The following TNKS2 variants were observed in gnomAD, a reference collection of about 807,000 sequenced individuals.
TNKS2 encodes poly [ADP-ribose] polymerase tankyrase-2.
A neutral mutation model predicts 137.6 loss-of-function variants in TNKS2; 72 were observed. That is an observed-to-expected ratio of 0.52 (90% CI 0.43 to 0.64). The LOEUF (loss-of-function observed/expected upper bound fraction) is 0.64, where lower values mean the gene tolerates loss of function less well. Among genes scored for constraint, TNKS2 ranks in the 30% least tolerant of loss-of-function variants. The probability of loss-of-function intolerance (pLI) is 0.00; values close to 1 mark genes in which losing one functional copy is unlikely to be tolerated. For missense variants in TNKS2, 1,049 were observed against 1,410.2 expected (o/e 0.74, Z 4.10); for synonymous variants, 516 against 512.1 (o/e 1.01, Z -0.10).
At chr10:91,800,119 A>G (rs566984629) in intron 1 of TNKS2, among the ~76,000 whole-genome samples, 1 of 152,320 alleles carries the variant, frequency 6.6e-6, no homozygotes, top group African/African-American at 2.4e-5. Context: ...AGTCTTTTAA[A>G]AAGAAGAAAG....
In TNKS2 at chr10:91,840,650, G is replaced by A. The variant is rs774659192; in HGVS notation, c.1617G>A (p.Val539=). The change falls in exon 14 of 27, where the codon GTG becomes GTA. Residue 539 remains valine (V), a synonymous_variant. Coordinates refer to ENST00000371627, the MANE Select transcript of TNKS2 (RefSeq NM_025235.4). ...PLHFAAGYNR[V]SVVEYLLQHG... is the part of the protein sequence containing the mutation. ...ATTTTGCAGCTGGGTATAACAGAGT[G>A]TCCGTGGTGGAATATCTGCTACAGC... 7.4e-6 allele frequency: 12 copies of A among 1,614,034 alleles called. No individual in the cohort carries two copies. The highest frequency in any genetic ancestry group is 1.3e-5 in the African/African-American group (1 of 74,930).
In TNKS2 at chr10:91,822,359, C is replaced by T. The variant is rs368810318; in HGVS notation, c.792C>T (p.Val264=). 1.9e-6 allele frequency: 3 copies of T among 1,611,514 alleles called. No individual in the cohort carries two copies. The highest frequency in any genetic ancestry group is 1.7e-4 in the Middle Eastern group (1 of 6,048). ...YGHYEVTELL[V]KHGACVNAMD... is the part of the protein sequence containing the mutation. ...ATTATGAAGTAACTGAACTTTTGGT[C>T]AAGGTTAGTGCTCTTGTACTCTCCT... The change falls in exon 7 of 27, where the codon GTC becomes GTT. Residue 264 remains valine, a synonymous_variant. Transcript: ENST00000371627.
intron 23 of TNKS2, 43 bp downstream of exon 23, chr10:91,855,731 T>C: frequency 6.9e-7 from 1 of 1,448,858 alleles, no homozygotes; most frequent in Non-Finnish European, 9.6e-7. Flanking sequence ...ACTGTCGTTT[T>C]CAAAGCCTGA....
At chr10:91,835,578 C>T (rs1427086243) in intron 12 of TNKS2, among the ~76,000 whole-genome samples, 1 of 147,568 alleles carries the variant, frequency 6.8e-6, no homozygotes, top group Non-Finnish European at 1.5e-5. Context: ...CATGAGCCAC[C>T]ATGCCCGGCC....
At chr10:91,843,571 C>G (rs889708763) in intron 16 of TNKS2, among the ~76,000 whole-genome samples, 1 of 152,168 alleles carries the variant, frequency 6.6e-6, no homozygotes, top group Non-Finnish European at 1.5e-5. Flanking sequence ...AAAACTGGCA[C>G]AGTGTACCTT....
At chr10:91,798,935 C>A (rs1400644293) in intron 1 of TNKS2, 46 bp downstream of exon 1, 1 of 1,324,038 alleles carries the variant, frequency 7.6e-7, no homozygotes. Context: ...ACCCCACCTG[C>A]GCAGCCGGGG....
Position 91,842,196 on chromosome 10 carries a change from A to C in TNKS2, c.1864A>C (p.Asn622His). 6.2e-7 allele frequency: 1 copy of C among 1,613,918 alleles called. No individual in the cohort carries two copies. The highest frequency in any genetic ancestry group is 8.5e-7 in the Non-Finnish European group (1 of 1,179,888). The change falls in exon 16 of 27, where the codon AAC becomes CAC. Residue 622 changes from asparagine (N) to histidine (H), a missense_variant. Physicochemically the swap from Asn to His is moderately conservative, Grantham distance 68 (BLOSUM62 1). This residue lies in a region of TNKS2 where 328 missense variants were observed against 436.0 expected (regional missense o/e 0.75). Coordinates refer to ENST00000371627, the MANE Select transcript of TNKS2 (RefSeq NM_025235.4). Reference protein sequence around the residue: ...LQHGADPTKKNRDGNTPLDLV... With the variant: ...LQHGADPTKKHRDGNTPLDLV... Reference sequence around the variant, plus strand: ...GCATGGTGCAGACCCTACAAAAAAAAACAGGGATGGAAATACTCCTTTGGA... The same window carrying C: ...GCATGGTGCAGACCCTACAAAAAAACACAGGGATGGAAATACTCCTTTGGA...
At chr10:91,836,032 T>TGTG (rs1491051227) in intron 12 of TNKS2, among the ~76,000 whole-genome samples, 1 of 63,972 alleles carries the variant, frequency 1.6e-5, no homozygotes, top group Admixed American at 1.7e-4. Flanking sequence ...TGTGTGTGTG[T>TGTG]AATTTTTTTT....
At chr10:91,849,100 G>A (rs1842467511) in intron 19 of TNKS2, among the ~76,000 whole-genome samples, 1 of 152,212 alleles carries the variant, frequency 6.6e-6, no homozygotes, top group Non-Finnish European at 1.5e-5. Flanking sequence ...GCCTCCCAAA[G>A]TGCTGGGATT....
At chr10:91,847,889 G>A (rs1770467) in intron 18 of TNKS2, among the ~76,000 whole-genome samples, 106,288 of 152,070 alleles carry the variant, frequency 0.7, 38,336 homozygotes, top group East Asian at 0.91. Flanking sequence ...CTCAGTCACA[G>A]TATCAGAATT....
At chr10:91,809,577 A>G (rs1453362770) in intron 1 of TNKS2, among the ~76,000 whole-genome samples, 1 of 151,846 alleles carries the variant, frequency 6.6e-6, no homozygotes, top group Non-Finnish European at 1.5e-5. Context: ...GAGGCAGGAG[A>G]ATGGCGTGAA....
At chr10:91,845,317 G>A (rs1310144644) in intron 17 of TNKS2, among the ~76,000 whole-genome samples, 1 of 152,184 alleles carries the variant, frequency 6.6e-6, no homozygotes, top group East Asian at 1.9e-4. Context: ...ATCCACTGGG[G>A]CACCAACGGG....
At chr10:91,851,914 T>C (rs1195913418) in intron 21 of TNKS2, among the ~76,000 whole-genome samples, 1 of 152,228 alleles carries the variant, frequency 6.6e-6, no homozygotes, top group African/African-American at 2.4e-5. Context: ...GTTAACACTT[T>C]ATACCAGGTC....
chr10:91,798,961 C>A, intron 1 of TNKS2, 72 bp downstream of exon 1: 2 of 1,284,916 alleles, frequency 1.6e-6, no homozygotes, highest in African/African-American at 1.5e-5. Flanking sequence ...AGGTCTGAAA[C>A]CAGTGCTCCT....
chr10:91,835,799 G>A (rs1489569120), intron 12 of TNKS2, among the ~76,000 whole-genome samples: 1 of 147,694 alleles, frequency 6.8e-6, no homozygotes, highest in Non-Finnish European at 1.5e-5. Flanking sequence ...GTAGTTACGG[G>A]GTTTTACCAT....
chr10:91,845,145 G>A, intron 17 of TNKS2, 117 bp downstream of exon 17: 1 of 721,826 alleles, frequency 1.4e-6, no homozygotes. Context: ...AAGTGGCAGA[G>A]CTAAAGAAGT....
In TNKS2 at chr10:91,841,486, C is replaced by G. The variant is rs758570971; in HGVS notation, c.1839+38C>G. 4.0e-6 allele frequency: 6 copies of G among 1,497,532 alleles called. No individual in the cohort carries two copies. In the African/African-American group the frequency reaches 8.5e-5, roughly 21 times the overall value. The allele number at this position is 1,497,532 out of a possible 1,614,324, so 92.8% of individuals were successfully genotyped here. On this transcript the variant is annotated intron_variant, in intron 15 of 26. Transcript: ENST00000371627. ...ACTTAACTGTAAAGAGTATGAATTA[C>G]ATAGCATATGTTTATGGTTTTCTAA...
At chr10:91,836,701 T>C in intron 12 of TNKS2, 1 of 985,090 alleles carries the variant, frequency 1.0e-6, no homozygotes, top group Non-Finnish European at 1.2e-6. Flanking sequence ...ATTATACACA[T>C]TTACATATTT....
chr10:91,826,814 G>A (rs1225641438), intron 7 of TNKS2, among the ~76,000 whole-genome samples: 1 of 152,206 alleles, frequency 6.6e-6, no homozygotes, highest in Non-Finnish European at 1.5e-5. Flanking sequence ...GAAAAGTTAA[G>A]TAGACCCTTG....
Sources: allele counts gnomAD v4.1 joint callset (sites outside exome capture counted in the v4.1 genomes callset), GRCh38; gene constraint gnomAD v4.1.1; regional missense constraint gnomAD v4.1.1; transcripts MANE v1.5; gene names NCBI Gene and HGNC (gene_info 2026-07-23, HGNC 2026-07-21).